Variants in ALG6 observed in about 807,000 individuals in gnomAD.
The protein encoded by ALG6 is dolichyl pyrophosphate Man9GlcNAc2 alpha-1,3-glucosyltransferase.
In ALG6, 46 loss-of-function variants were observed where a neutral mutation model predicts 66.6. The observed-to-expected ratio is 0.69, with a 90% CI of 0.55 to 0.88. The LOEUF (loss-of-function observed/expected upper bound fraction) is 0.88, where lower values mean the gene tolerates loss of function less well. ALG6 is among the 40% of genes least tolerant of loss of function. The probability of loss-of-function intolerance (pLI) is 0.00; values close to 1 mark genes in which losing one functional copy is unlikely to be tolerated. For synonymous variants in ALG6, 185 were observed against 203.7 expected, an observed-to-expected ratio of 0.91 and a Z score of 0.78; for missense variants, 505 against 586.8, an observed-to-expected ratio of 0.86 and a Z score of 1.44.
chr1:63,422,179 A>G, intron 12 of ALG6, among the ~76,000 whole-genome samples: 1 of 126,058 alleles, frequency 7.9e-6, no homozygotes, highest in South Asian at 2.2e-4. Flanking sequence ...ATGAATTTAT[A>G]TTTATATAAA....
chr1:63,412,441 A>T (rs1181463161), intron 9 of ALG6, among the ~76,000 whole-genome samples: 1 of 152,198 alleles, frequency 6.6e-6, no homozygotes, highest in Non-Finnish European at 1.5e-5. Context: ...GGTAATATTC[A>T]TGCCATCATC....
At chr1:63,400,469 C>T (rs1382047306) in intron 3 of ALG6, among the ~76,000 whole-genome samples, 1 of 149,646 alleles carries the variant, frequency 6.7e-6, no homozygotes, top group East Asian at 2.0e-4. Flanking sequence ...AAGCTATCTT[C>T]TCTTATGCCT....
At chr1:63,434,343 G>T (rs1438759312) in intron 14 of ALG6, among the ~76,000 whole-genome samples, 1 of 152,310 alleles carries the variant, frequency 6.6e-6, no homozygotes, top group East Asian at 1.9e-4. Context: ...ATACATAACT[G>T]AATGGGTGGG....
chr1:63,383,285 C>T (rs1648388668), intron 2 of ALG6, among the ~76,000 whole-genome samples: 3 of 151,604 alleles, frequency 2.0e-5, no homozygotes, highest in Non-Finnish European at 4.4e-5. Context: ...CCATGCCTAG[C>T]TAATTTTTTT....
chr1:63,369,298 T>C (rs2100376139), intron 1 of ALG6, among the ~76,000 whole-genome samples: 1 of 152,352 alleles, frequency 6.6e-6, no homozygotes. Flanking sequence ...TTCCAATCAG[T>C]TCTGGAGTTA....
rs558440634 is a variant in ALG6, at chr1:63,372,735, C to T, written c.82+1676C>T. ...AGTGCAGTGGCGCAATCTTGGCTCA[C>T]TGTAATCTCCGCCTCCCAGTTTCAA... On this transcript the variant is annotated intron_variant, in intron 2 of 14. Transcript: ENST00000263440. Among the ~76,000 whole-genome samples, 5 of 152,122 alleles carry T rather than the reference C, an allele frequency of 3.3e-5. No homozygotes were observed. The South Asian group carries it at 8.3e-4, about 25-fold the overall frequency.
At chr1:63,375,621 A>G (rs1018346042) in intron 2 of ALG6, among the ~76,000 whole-genome samples, 2 of 152,120 alleles carry the variant, frequency 1.3e-5, no homozygotes, top group African/African-American at 4.8e-5. Flanking sequence ...AGCTAGCCTC[A>G]TAAAATGAAT....
At chr1:63,423,372 G>T (rs900213216) in intron 12 of ALG6, among the ~76,000 whole-genome samples, 2 of 152,096 alleles carry the variant, frequency 1.3e-5, no homozygotes, top group Admixed American at 1.3e-4. Flanking sequence ...TTTTAAAATT[G>T]TGTTAAAGTA....
At chr1:63,424,439 G>A (rs550376952) in intron 12 of ALG6, among the ~76,000 whole-genome samples, 1 of 152,066 alleles carries the variant, frequency 6.6e-6, no homozygotes, top group East Asian at 1.9e-4. Context: ...GCGCTTGGCC[G>A]TTTTGCCCAA....
In ALG6 at chr1:63,383,874, C is replaced by T. The variant is rs544415896; in HGVS notation, c.83-12639C>T. Among the ~76,000 whole-genome samples, 5 of 152,248 alleles carry T rather than the reference C, an allele frequency of 3.3e-5. No individual in the cohort carries two copies. In the South Asian group the frequency reaches 1.0e-3, roughly 32 times the overall value. On this transcript the variant is annotated intron_variant, in intron 2 of 14. Coordinates refer to ENST00000263440, the MANE Select transcript of ALG6 (RefSeq NM_013339.4). ...ATTCTGTTCTTCATCTCCAAGAGTT[C>T]AATTGTTTCAATTTTTAGCTCCCAC...
At chr1:63,370,035 C>A (rs1038545499) in intron 1 of ALG6, among the ~76,000 whole-genome samples, 9 of 152,018 alleles carry the variant, frequency 5.9e-5, no homozygotes, top group African/African-American at 2.2e-4. Context: ...TCAGGCTGGT[C>A]TTGAACTCCT....
At chr1:63,375,493 T>C (rs1182634476) in intron 2 of ALG6, among the ~76,000 whole-genome samples, 1 of 149,972 alleles carries the variant, frequency 6.7e-6, no homozygotes, top group African/African-American at 2.5e-5. Flanking sequence ...CTCCTGACCT[T>C]AGGTGATCCG....
At chr1:63,409,366 G>A (rs945919960) in intron 7 of ALG6, among the ~76,000 whole-genome samples, 2 of 152,042 alleles carry the variant, frequency 1.3e-5, no homozygotes, top group Non-Finnish European at 2.9e-5. Context: ...CATACGTTTT[G>A]AAGACTCATG....
intron 3 of ALG6, among the ~76,000 whole-genome samples, chr1:63,398,135 G>A (rs1489486068): frequency 6.6e-6 from 1 of 152,078 alleles, no homozygotes; most frequent in Non-Finnish European, 1.5e-5. Flanking sequence ...TTTGGCTACT[G>A]CTTTTATATA....
intron 12 of ALG6, among the ~76,000 whole-genome samples, chr1:63,425,385 G>A (rs917963847): frequency 2.6e-5 from 4 of 152,162 alleles, no homozygotes; most frequent in African/African-American, 9.7e-5. Flanking sequence ...TAGTAAAAGG[G>A]GTGAACAGGC....
intron 3 of ALG6, among the ~76,000 whole-genome samples, chr1:63,400,811 G>A (rs1010159924): frequency 6.6e-6 from 1 of 152,240 alleles, no homozygotes; most frequent in African/African-American, 2.4e-5. Flanking sequence ...TGAGCACTTT[G>A]TGTCAGTCAC....
intron 3 of ALG6, among the ~76,000 whole-genome samples, chr1:63,400,321 GTATATA>G (rs66490327): frequency 1.4e-4 from 3 of 21,716 alleles, no homozygotes; most frequent in African/African-American, 2.6e-4. Flanking sequence ...ATATATATAC[GTATATA>G]TATATATACG....
At chr1:63,407,216 T>C (rs1363855848) in intron 7 of ALG6, 90 bp downstream of exon 7, 1 of 891,608 alleles carries the variant, frequency 1.1e-6, no homozygotes, top group Admixed American at 1.7e-5. Flanking sequence ...TAATGTCTTA[T>C]TTGATAGAGT....
intron 10 of ALG6, among the ~76,000 whole-genome samples, chr1:63,414,908 A>G (rs907097831): frequency 2.0e-5 from 3 of 152,188 alleles, no homozygotes; most frequent in Admixed American, 6.6e-5. Flanking sequence ...TCAGACCCAG[A>G]TGCTGTTAGG....
Sources: gnomAD v4.1 joint callset for allele counts (sites outside exome capture counted in the v4.1 genomes callset) on GRCh38, gnomAD v4.1.1 for gene constraint, MANE v1.5 for transcripts, NCBI Gene and HGNC (gene_info 2026-07-23, HGNC 2026-07-21) for gene names.